ADARB1: variants seen among roughly 807,000 people sequenced by gnomAD.
ADARB1 encodes adenosine deaminase RNA specific B1.
A neutral mutation model predicts 52.4 loss-of-function variants in ADARB1; 10 were observed. The ratio of observed to expected loss-of-function variants is 0.19; its 90% CI spans 0.12 to 0.32. ADARB1 has a LOEUF of 0.32. Ranked by LOEUF, ADARB1 falls within the 10% of genes least tolerant of loss-of-function variation. ADARB1 has a pLI of 1.00. For missense variants in ADARB1, 643 were observed against 922.3 expected, an observed-to-expected ratio of 0.70 and a Z score of 3.92; for synonymous variants, 349 against 371.1, an observed-to-expected ratio of 0.94 and a Z score of 0.68.
At chr21:45,166,879 CT>C (rs11347593) in intron 2 of ADARB1, among the ~76,000 whole-genome samples, 146,206 of 151,164 alleles carry the variant, frequency 0.97, 70,726 homozygotes, top group East Asian at 1. Context: ...TCAAATAAGT[CT>C]TTTTTTTTTT....
chr21:45,222,876 G>A lies in ADARB1; in HGVS notation c.*679G>A, dbSNP rs750065691. 5 of 985,360 alleles carry A rather than the reference G, an allele frequency of 5.1e-6. No individual in the cohort carries two copies. In the African/African-American group the frequency reaches 5.2e-5, roughly 10 times the overall value. The allele number at this position is 985,360 out of a possible 1,614,324, so 61.0% of individuals were successfully genotyped here. Reference sequence around the variant, plus strand: ...CACATGGGGTCCCGCAGCAGTGACTGTGTGTCCTGCAGAGGCGTGACCCAG... The same window carrying A: ...CACATGGGGTCCCGCAGCAGTGACTATGTGTCCTGCAGAGGCGTGACCCAG... On this transcript the variant is annotated 3_prime_UTR_variant, in exon 11 of 11. Transcript: ENST00000348831.
At chr21:45,160,730 A>T (rs1183972137) in intron 2 of ADARB1, among the ~76,000 whole-genome samples, 1 of 152,210 alleles carries the variant, frequency 6.6e-6, no homozygotes, top group African/African-American at 2.4e-5. Flanking sequence ...TCATTTCATT[A>T]TGGTGAGTGT....
chr21:45,173,432 T>C (rs927715906), intron 3 of ADARB1, among the ~76,000 whole-genome samples: 1 of 152,170 alleles, frequency 6.6e-6, no homozygotes, highest in Non-Finnish European at 1.5e-5. Flanking sequence ...AGTATTTCAG[T>C]GTGCCCCTGA....
intron 2 of ADARB1, among the ~76,000 whole-genome samples, chr21:45,152,373 T>G (rs138182015): frequency 6.7e-6 from 1 of 148,790 alleles, no homozygotes; most frequent in Admixed American, 6.9e-5. Context: ...CTGTCACATG[T>G]CATTCTCTGG....
rs2091681039 is a variant in ADARB1, at chr21:45,176,043, G to A, written c.342G>A (p.Glu114=). The change falls in exon 4 of 11, where the codon GAG becomes GAA. Residue 114 remains glutamate (E), a synonymous_variant. Transcript: ENST00000348831. This position sits in a 1 kb window ranked among gnomAD's most constrained non-coding sequence, Gnocchi z 5.8. ...CGCCTTTGTTTGTCATGTCTGTGGA[G>A]GTGAATGGCCAGGTTTTTGAGGGCT... ...VHAPLFVMSV[E]VNGQVFEGSG... 6.2e-7 allele frequency: 1 copy of A among 1,614,182 alleles called. No individual in the cohort carries two copies. The highest frequency in any genetic ancestry group is 8.5e-7 in the Non-Finnish European group (1 of 1,180,024).
At chr21:45,141,850 C>T (rs2089743199) in intron 2 of ADARB1, among the ~76,000 whole-genome samples, 1 of 152,020 alleles carries the variant, frequency 6.6e-6, no homozygotes, top group Non-Finnish European at 1.5e-5. Flanking sequence ...TCGCCTTAGC[C>T]ACCCCAGGGT....
Position 45,128,500 on chromosome 21 carries a change from ACT to A in ADARB1, c.-115_-114del, listed in dbSNP as rs1274688674. The stretch of plus-strand genomic sequence containing the variant: ...CTGCTTACTTCAGTCCTGCTGAGAT[ACT>A]CTCTCAGTCCGCTCGCACCGAAGGA... On this transcript the variant is annotated 5_prime_UTR_variant, in exon 2 of 11. Coordinates refer to ENST00000348831, the MANE Select transcript of ADARB1 (RefSeq NM_001112.4). This position sits in a 1 kb window ranked among gnomAD's most constrained non-coding sequence, Gnocchi z 4.6. 2 of 152,082 alleles carry A rather than the reference ACT, an allele frequency of 1.3e-5. No homozygotes were observed. Among genetic ancestry groups the A allele is most frequent in the Non-Finnish European group, 2.9e-5 (2 of 68,036 alleles). 9.4% of individuals were successfully genotyped at this position (152,082 alleles called of 1,614,324 possible).
At chr21:45,206,017 C>T (rs564993669) in intron 9 of ADARB1, among the ~76,000 whole-genome samples, 3 of 152,112 alleles carry the variant, frequency 2.0e-5, no homozygotes, top group East Asian at 1.9e-4. Context: ...TTTACAGTTC[C>T]GTAACTTAAC....
At position 45,225,199 on chromosome 21, in the gene ADARB1, G is replaced by T; in HGVS notation, c.*3002G>T. 9.5e-7 allele frequency: 1 copy of T among 1,056,236 alleles called. No individual in the cohort carries two copies. The highest frequency in any genetic ancestry group is 1.1e-6 in the Non-Finnish European group (1 of 876,892). 65.4% of individuals were successfully genotyped at this position (1,056,236 alleles called of 1,614,324 possible). On this transcript the variant is annotated 3_prime_UTR_variant, in exon 11 of 11. Coordinates refer to ENST00000348831, the MANE Select transcript of ADARB1 (RefSeq NM_001112.4). Reference sequence around the variant, plus strand: ...CCTGCTAGTGGGAGGTCTCAGGTGGGGCGGTGTGTTCTGTGCCATGAGGCA... The same window carrying T: ...CCTGCTAGTGGGAGGTCTCAGGTGGTGCGGTGTGTTCTGTGCCATGAGGCA...
intron 2 of ADARB1, among the ~76,000 whole-genome samples, chr21:45,164,343 G>A (rs1308636773): frequency 1.3e-5 from 2 of 152,160 alleles, no homozygotes; most frequent in Admixed American, 6.5e-5. Flanking sequence ...AAGTACTGGG[G>A]CTGCCAAGGA....
Position 45,175,887 on chromosome 21 carries a change from C to T in ADARB1, c.186C>T (p.His62=), listed in dbSNP as rs1327613411. 1 of 1,611,826 alleles carries T rather than the reference C, an allele frequency of 6.2e-7. No individual in the cohort carries two copies. The highest frequency in any genetic ancestry group is 1.3e-5 in the African/African-American group (1 of 74,786). The change falls in exon 4 of 11, where the codon CAC becomes CAT. Residue 62 remains histidine, a synonymous_variant. Coordinates refer to ENST00000348831, the MANE Select transcript of ADARB1 (RefSeq NM_001112.4). The stretch of plus-strand genomic sequence containing the variant: ...CCCTGGAGGAGGGCAGCAATGGCCA[C>T]TCCAAGTACCGCCTGAAGAAAAGGA... ...KRPLEEGSNG[H]SKYRLKKRRK...
intron 1 of ADARB1, among the ~76,000 whole-genome samples, chr21:45,119,682 A>G (rs929879739): frequency 1.3e-5 from 2 of 152,236 alleles, no homozygotes; most frequent in Non-Finnish European, 2.9e-5. Flanking sequence ...ACCAACAAAT[A>G]AAATGTTACT....
intron 1 of ADARB1, among the ~76,000 whole-genome samples, chr21:45,082,443 A>G (rs1475920622): frequency 3.3e-5 from 5 of 152,226 alleles, no homozygotes; most frequent in Admixed American, 2.6e-4. Context: ...CCCACGGCCT[A>G]CAAAATTTGT....
chr21:45,088,544 C>A (rs1395510745), intron 1 of ADARB1, among the ~76,000 whole-genome samples: 1 of 152,144 alleles, frequency 6.6e-6, no homozygotes, highest in Non-Finnish European at 1.5e-5. Flanking sequence ...CAGAAACATT[C>A]CAATTAATTG....
intron 2 of ADARB1, among the ~76,000 whole-genome samples, chr21:45,162,239 G>A (rs1468281576): frequency 1.3e-5 from 2 of 152,300 alleles, no homozygotes; most frequent in Admixed American, 6.5e-5. Flanking sequence ...GGGCACTACC[G>A]TATTCCCTGG....
chr21:45,090,244 G>A (rs1278566801), intron 1 of ADARB1, among the ~76,000 whole-genome samples: 1 of 152,076 alleles, frequency 6.6e-6, no homozygotes, highest in Non-Finnish European at 1.5e-5. Flanking sequence ...AAACATTCCT[G>A]CATTCTGGGG....
rs533393354 is a variant in ADARB1 at position 45,084,006 on chromosome 21, G to A, written c.-220+9213G>A. Among the ~76,000 whole-genome samples, 137 of 152,188 alleles carry A rather than the reference G, an allele frequency of 9.0e-4. 1 individual carries two copies. The highest frequency in any genetic ancestry group is 1.5e-3 in the Non-Finnish European group (104 of 68,038). ...GGAGCCATTGCACCTGGCCAAAAAA[G>A]CATCTCTTATAAGCTGTTTTTGGTG... is the stretch of plus-strand genomic sequence containing the variant. On this transcript the variant is annotated intron_variant, in intron 1 of 10. Transcript: ENST00000348831.
At chr21:45,171,558 A>G in intron 2 of ADARB1, 52 bp from the exon 3 acceptor site, 1 of 1,118,988 alleles carries the variant, frequency 8.9e-7, no homozygotes, top group Non-Finnish European at 1.3e-6. Context: ...GACTTACTTC[A>G]TATTACTCCT....
rs565219143 is a variant in ADARB1, at chr21:45,225,942, C to T, written c.*3745C>T. 127 of 190,886 alleles carry T rather than the reference C, an allele frequency of 6.7e-4. No individual in the cohort carries two copies. Among genetic ancestry groups the T allele is most frequent in the African/African-American group, 2.7e-3 (116 of 43,046 alleles). The allele number at this position is 190,886 out of a possible 1,614,324, so 11.8% of individuals were successfully genotyped here. A position where few individuals can be genotyped will look rare whatever the true frequency, so the allele number is the denominator to read the frequency against. ...CCCAGCCCCGAGGCCAGTGGTTGCTCGGGGCCTTCCGTGTGAGTTCTAGTG... is the reference window on the plus strand; with the variant it reads ...CCCAGCCCCGAGGCCAGTGGTTGCTTGGGGCCTTCCGTGTGAGTTCTAGTG... On this transcript the variant is annotated 3_prime_UTR_variant, in exon 11 of 11. Transcript: ENST00000348831.
Sources: allele counts gnomAD v4.1 joint callset (sites outside exome capture counted in the v4.1 genomes callset), GRCh38; gene constraint gnomAD v4.1.1; non-coding constraint Gnocchi (gnomAD v3.1); transcripts MANE v1.5; gene names NCBI Gene and HGNC (gene_info 2026-07-23, HGNC 2026-07-21).